NRXN1: variants seen among roughly 807,000 people sequenced by gnomAD.
NRXN1 encodes neurexin 1.
NRXN1 carries 39 observed loss-of-function variants against 150.9 expected under a neutral mutation model. That is an observed-to-expected ratio of 0.26 (90% confidence interval 0.20 to 0.34). NRXN1 has a LOEUF of 0.34. Among genes scored for constraint, NRXN1 ranks in the 10% least tolerant of loss-of-function variants. NRXN1 has a pLI of 1.00. For synonymous variants in NRXN1, 924 were observed against 757.0 expected (o/e 1.22, Z -3.62); for missense variants, 1,815 against 1,949.9 (o/e 0.93, Z 1.30).
At chr2:50,095,325 C>T (rs1700076067) in intron 18 of NRXN1, among the ~76,000 whole-genome samples, 1 of 152,184 alleles carries the variant, frequency 6.6e-6, no homozygotes, top group African/African-American at 2.4e-5. Context: ...ATTCCTGTTA[C>T]ACCTTGGGAA....
intron 17 of NRXN1, among the ~76,000 whole-genome samples, chr2:50,458,616 G>A (rs552160362): frequency 3.3e-4 from 46 of 139,818 alleles, no homozygotes; most frequent in Non-Finnish European, 5.7e-4. Context: ...TTTCACTTTT[G>A]TTGCCCAGGC....
intron 18 of NRXN1, among the ~76,000 whole-genome samples, chr2:50,234,726 T>C (rs1185784926): frequency 6.6e-6 from 1 of 151,960 alleles, no homozygotes; most frequent in Non-Finnish European, 1.5e-5. Flanking sequence ...AAGGGAGATT[T>C]TGAAGATATC....
Position 49,943,777 on chromosome 2 carries a change from G to T in NRXN1, c.4143C>A (p.Ile1381=), listed in dbSNP as rs758914450. 6 of 1,610,476 alleles carry T rather than the reference G, an allele frequency of 3.7e-6. No homozygotes were observed. In the South Asian group the frequency reaches 5.5e-5, roughly 15 times the overall value. The part of the protein sequence containing the change: ...KEPISQTTDD[I]LVASAECPSD... ...TGGGACACTCTGCTGAGGCCACAAG[G>T]ATGTCATCTGTGGTCTGCAAAAGAA... Residue 1381 remains isoleucine (I), a synonymous_variant, in exon 22 of 23, where the codon ATC becomes ATA. Coordinates refer to ENST00000401669, the MANE Select transcript of NRXN1 (RefSeq NM_001330078.2).
chr2:50,132,725 T>G (rs189683684), intron 18 of NRXN1, among the ~76,000 whole-genome samples: 3 of 152,296 alleles, frequency 2.0e-5, no homozygotes, highest in Non-Finnish European at 4.4e-5. Flanking sequence ...TTGGAAACCT[T>G]GACTTTCTTC....
intron 5 of NRXN1, among the ~76,000 whole-genome samples, chr2:50,759,286 A>G (rs563957106): frequency 7.9e-5 from 12 of 152,038 alleles, no homozygotes; most frequent in Middle Eastern, 3.4e-3. Context: ...TGGGTACAAA[A>G]TCCCATTGAA....
chr2:50,696,827 T>C (rs1187717658), intron 5 of NRXN1, among the ~76,000 whole-genome samples: 1 of 152,212 alleles, frequency 6.6e-6, no homozygotes, highest in Admixed American at 6.5e-5. Flanking sequence ...AGAAGTCATT[T>C]TGGAGACCAA....
intron 2 of NRXN1, among the ~76,000 whole-genome samples, chr2:50,999,981 T>C (rs1419325611): frequency 6.6e-6 from 1 of 152,038 alleles, no homozygotes; most frequent in African/African-American, 2.4e-5. Context: ...GATTTTCTGT[T>C]GAATTTAGAA....
intron 5 of NRXN1, among the ~76,000 whole-genome samples, chr2:50,695,323 G>T (rs934196287): frequency 2.0e-5 from 3 of 152,120 alleles, no homozygotes; most frequent in Non-Finnish European, 4.4e-5. Context: ...TAAAGATCTT[G>T]CCCAGCATCA....
intron 9 of NRXN1, among the ~76,000 whole-genome samples, chr2:50,549,206 A>G (rs201004966): frequency 6.6e-6 from 1 of 152,186 alleles, no homozygotes; most frequent in East Asian, 1.9e-4. Context: ...TAAGTAAAAT[A>G]AAAGCAAGTA....
At chr2:50,334,192 A>ATTTTATACATATATATATATAT (rs1553457970) in intron 17 of NRXN1, among the ~76,000 whole-genome samples, 6 of 118,980 alleles carry the variant, frequency 5.0e-5, no homozygotes, top group African/African-American at 2.6e-4. Context: ...ACCAGGACCA[A>ATTTTATACATATATATATATAT]ATATATATAT....
chr2:50,380,809 T>C (rs1274937538), intron 17 of NRXN1, among the ~76,000 whole-genome samples: 1 of 152,158 alleles, frequency 6.6e-6, no homozygotes, highest in Non-Finnish European at 1.5e-5. Context: ...AGAAAGGCTA[T>C]TTTCTACCTC....
At position 50,382,366 on chromosome 2, in the gene NRXN1, T is replaced by C. The variant is rs151088766; in HGVS notation, c.3364+83076A>G. On this transcript the variant is annotated intron_variant, in intron 17 of 22. Coordinates refer to ENST00000401669, the MANE Select transcript of NRXN1 (RefSeq NM_001330078.2). ...GGAGTGTCAAGTGAGAAATAACAAA[T>C]TGTGGTTAGACATTGACAATCTCTG... Among the ~76,000 whole-genome samples the C allele has an allele frequency of 6.6e-5, 10 of 152,300 alleles. No homozygotes were observed. The East Asian group carries it at 1.2e-3, about 18-fold the overall frequency.
At chr2:50,201,925 A>T (rs778037503) in intron 18 of NRXN1, among the ~76,000 whole-genome samples, 9 of 152,160 alleles carry the variant, frequency 5.9e-5, no homozygotes, top group African/African-American at 1.4e-4. Flanking sequence ...TGTATTTAAA[A>T]GTTTTCCTTA....
At chr2:50,930,082 A>T (rs571348205) in intron 2 of NRXN1, among the ~76,000 whole-genome samples, 1 of 152,132 alleles carries the variant, frequency 6.6e-6, no homozygotes, top group Non-Finnish European at 1.5e-5. Context: ...GCTTTTTAAC[A>T]GAGGACATCA....
intron 18 of NRXN1, among the ~76,000 whole-genome samples, chr2:50,106,381 A>G (rs755818975): frequency 4.6e-5 from 7 of 152,018 alleles, no homozygotes; most frequent in African/African-American, 7.2e-5. Context: ...AACCAAAGAA[A>G]ACCCCAAAAC....
rs1231728001 is a variant in NRXN1, at chr2:49,919,952, C to CTAAT, written c.*1988_*1991dup. The stretch of plus-strand genomic sequence containing the variant: ...CATTTTTTGCCTTTGCTGATTAAAG[C>CTAAT]TAATTGGAAAGATATTCTTCTCTTC... On this transcript the variant is annotated 3_prime_UTR_variant, in exon 23 of 23. Coordinates refer to ENST00000401669, the MANE Select transcript of NRXN1 (RefSeq NM_001330078.2). 6.6e-6 allele frequency: 1 copy of CTAAT among 151,988 alleles called. No homozygotes were observed. The highest frequency in any genetic ancestry group is 1.5e-5 in the Non-Finnish European group (1 of 67,958). 9.4% of individuals were successfully genotyped at this position (151,988 alleles called of 1,614,324 possible).
intron 17 of NRXN1, among the ~76,000 whole-genome samples, chr2:50,412,961 A>G (rs2083294196): frequency 6.6e-6 from 1 of 152,168 alleles, no homozygotes; most frequent in African/African-American, 2.4e-5. Context: ...TAAATCTAAG[A>G]CCTCAAACTA....
chr2:50,625,468 G>A (rs550659566), intron 5 of NRXN1, among the ~76,000 whole-genome samples: 84 of 152,072 alleles, frequency 5.5e-4, no homozygotes, highest in African/African-American at 1.9e-3. Context: ...CCATTCAAAC[G>A]CTCAGAATAT....
chr2:50,153,267 G>C (rs2058801770), intron 18 of NRXN1, among the ~76,000 whole-genome samples: 1 of 151,164 alleles, frequency 6.6e-6, no homozygotes, highest in Non-Finnish European at 1.5e-5. Context: ...TTTATTCTTA[G>C]AGCATTTTTA....
Sources: allele counts gnomAD v4.1 joint callset (sites outside exome capture counted in the v4.1 genomes callset), GRCh38; gene constraint gnomAD v4.1.1; transcripts MANE v1.5; gene names NCBI Gene and HGNC (gene_info 2026-07-23, HGNC 2026-07-21).